KIAA1217: variants seen among roughly 807,000 people sequenced by gnomAD.
The protein encoded by KIAA1217 is sickle tail protein homolog.
KIAA1217 carries 88 observed loss-of-function variants against 163.9 expected under a neutral mutation model. The observed-to-expected ratio is 0.54, with a 90% confidence interval of 0.45 to 0.64. The LOEUF is 0.64. Ranked by LOEUF, KIAA1217 falls within the 30% of genes least tolerant of loss-of-function variation. KIAA1217 has a pLI of 0.00. For synonymous variants in KIAA1217, 903 were observed against 923.1 expected (o/e 0.98, Z 0.39); for missense variants, 2,372 against 2,475.0 (o/e 0.96, Z 0.88).
At chr10:23,704,933 G>T (rs1330491297) in intron 1 of KIAA1217, among the ~76,000 whole-genome samples, 1 of 152,086 alleles carries the variant, frequency 6.6e-6, no homozygotes, top group Non-Finnish European at 1.5e-5. Context: ...CAATATGAGG[G>T]TTCCATTTTC....
chr10:23,859,093 A>G (rs950526904), intron 1 of KIAA1217, among the ~76,000 whole-genome samples: 1 of 152,222 alleles, frequency 6.6e-6, no homozygotes, highest in African/African-American at 2.4e-5. Flanking sequence ...ATAATTCCAC[A>G]TGTAATGTGT....
At chr10:24,485,270 G>A (rs1013534245) in intron 6 of KIAA1217, among the ~76,000 whole-genome samples, 1 of 152,030 alleles carries the variant, frequency 6.6e-6, no homozygotes, top group Non-Finnish European at 1.5e-5. Context: ...CAAGGGGTAG[G>A]GGCCTTCTGA....
At chr10:23,820,275 C>T (rs765636001) in intron 1 of KIAA1217, among the ~76,000 whole-genome samples, 5 of 152,138 alleles carry the variant, frequency 3.3e-5, no homozygotes, top group Non-Finnish European at 7.3e-5. Flanking sequence ...ACATATTAAA[C>T]GGACAGAGGC....
At chr10:24,112,960 G>A (rs1028260836) in intron 2 of KIAA1217, among the ~76,000 whole-genome samples, 3 of 152,002 alleles carry the variant, frequency 2.0e-5, no homozygotes, top group Non-Finnish European at 2.9e-5. Flanking sequence ...GAGGAGGCAG[G>A]GATTGGAGTG....
intron 2 of KIAA1217, among the ~76,000 whole-genome samples, chr10:24,325,912 A>T (rs2044817568): frequency 6.6e-6 from 1 of 152,168 alleles, no homozygotes; most frequent in South Asian, 2.1e-4. Context: ...TTGTAAGAAA[A>T]ATTAGATAAT....
At chr10:24,202,585 C>A (rs1021864333) in intron 2 of KIAA1217, among the ~76,000 whole-genome samples, 16 of 152,176 alleles carry the variant, frequency 1.1e-4, no homozygotes, top group Admixed American at 9.2e-4. Context: ...GCTCTGGTTG[C>A]ACCCTTGCTC....
chr10:24,489,250 A>C (rs1297653903), intron 6 of KIAA1217, among the ~76,000 whole-genome samples: 2 of 152,014 alleles, frequency 1.3e-5, no homozygotes, highest in Non-Finnish European at 1.5e-5. Context: ...CAAAAAAAAA[A>C]AAAGTTCTAT....
At chr10:23,917,021 C>T (rs752053974) in intron 1 of KIAA1217, among the ~76,000 whole-genome samples, 95 of 151,084 alleles carry the variant, frequency 6.3e-4, no homozygotes, top group Non-Finnish European at 1.1e-3. Context: ...ATCTTTCCTC[C>T]CTTTCATTTC....
chr10:24,259,176 T>C (rs2075474409), intron 2 of KIAA1217, among the ~76,000 whole-genome samples: 1 of 152,008 alleles, frequency 6.6e-6, no homozygotes. Flanking sequence ...CCTTTGTGTC[T>C]GTTTGTGAGC....
Position 23,883,596 on chromosome 10 carries a change from C to T in KIAA1217, c.-320-123629C>T, listed in dbSNP as rs117646105. 5.7e-3 allele frequency among the ~76,000 whole-genome samples: 864 copies of T among 152,028 alleles called. 2 individuals carry two copies. The highest frequency in any genetic ancestry group is 8.1e-3 in the Non-Finnish European group (553 of 67,898). ...GCAACGTTCTCCACCAAATCGATAC[C>T]TTGATTAAAATCAATGAACCTACAT... On this transcript the variant is annotated intron_variant, in intron 1 of 18. Coordinates refer to the KIAA1217 transcript ENST00000376462.
intron 2 of KIAA1217, among the ~76,000 whole-genome samples, chr10:24,059,678 C>T (rs948157431): frequency 3.9e-5 from 6 of 151,978 alleles, no homozygotes; most frequent in South Asian, 2.1e-4. Flanking sequence ...TTCGGGTTCA[C>T]GCCATTGTCT....
chr10:24,380,804 G>T, intron 2 of KIAA1217, 65 bp from the exon 3 acceptor site: 1 of 1,190,544 alleles, frequency 8.4e-7, no homozygotes, highest in South Asian at 1.8e-5. Flanking sequence ...AAATGGCATT[G>T]GACATATTTT....
chr10:24,365,723 C>T (rs375667663), intron 2 of KIAA1217, among the ~76,000 whole-genome samples: 10 of 151,802 alleles, frequency 6.6e-5, no homozygotes, highest in African/African-American at 2.4e-4. Context: ...TTTTTTTAAC[C>T]CCTATGTGCA....
chr10:24,324,539 C>G (rs1283571078), intron 2 of KIAA1217, among the ~76,000 whole-genome samples: 1 of 152,194 alleles, frequency 6.6e-6, no homozygotes, highest in Admixed American at 6.5e-5. Context: ...TGCGCTCCAT[C>G]CTGGGCAACA....
At chr10:24,357,030 T>G (rs2049198946) in intron 2 of KIAA1217, among the ~76,000 whole-genome samples, 1 of 152,196 alleles carries the variant, frequency 6.6e-6, no homozygotes, top group Non-Finnish European at 1.5e-5. Context: ...GGGCTAAGAA[T>G]TGGTCTCAGA....
In KIAA1217 at chr10:23,853,172, T is replaced by G. The variant is rs191057886; in HGVS notation, c.-320-154053T>G. On this transcript the variant is annotated intron_variant, in intron 1 of 18. Coordinates refer to the KIAA1217 transcript ENST00000376462. Reference sequence around the variant, plus strand: ...GGTTTGTCATAGATAGCTCTTATTATTTTGAGATACGTCCCATCAATACCT... The same window carrying G: ...GGTTTGTCATAGATAGCTCTTATTAGTTTGAGATACGTCCCATCAATACCT... Among the ~76,000 whole-genome samples the G allele has an allele frequency of 2.0e-4, 31 of 152,346 alleles. No individual in the cohort carries two copies. The East Asian group carries it at 5.8e-3, about 28-fold the overall frequency.
intron 1 of KIAA1217, among the ~76,000 whole-genome samples, chr10:24,004,599 T>A (rs1470974947): frequency 6.6e-6 from 1 of 152,248 alleles, no homozygotes; most frequent in Non-Finnish European, 1.5e-5. Flanking sequence ...TGGATTATTA[T>A]TGCTAATTAC....
At chr10:23,738,813 T>G (rs1193479778) in intron 1 of KIAA1217, among the ~76,000 whole-genome samples, 1 of 147,142 alleles carries the variant, frequency 6.8e-6, no homozygotes, top group African/African-American at 2.6e-5. Flanking sequence ...GAGGATATAG[T>G]AGTGAACAAA....
chr10:23,950,013 G>A (rs189947322), intron 1 of KIAA1217, among the ~76,000 whole-genome samples: 37 of 152,214 alleles, frequency 2.4e-4, no homozygotes, highest in Non-Finnish European at 3.5e-4. Flanking sequence ...CATCTCAAGC[G>A]TAGATTAATA....
Sources: allele counts gnomAD v4.1 joint callset (sites outside exome capture counted in the v4.1 genomes callset), GRCh38; gene constraint gnomAD v4.1.1; transcripts MANE v1.5; gene names NCBI Gene and HGNC (gene_info 2026-07-23, HGNC 2026-07-21).